Variants in GALNT13 observed in about 807,000 individuals in gnomAD.
GALNT13 encodes UDP-GalNAc:polypeptide N-acetylgalactosaminyltransferase 13.
In GALNT13, 28 loss-of-function variants were observed where a neutral mutation model predicts 64.2. That is an observed-to-expected ratio of 0.44 (90% CI 0.32 to 0.60). GALNT13 has a LOEUF of 0.60. Among genes scored for constraint, GALNT13 ranks in the 20% least tolerant of loss-of-function variants. The pLI is 0.05. For missense variants in GALNT13, 577 were observed against 669.8 expected, an observed-to-expected ratio of 0.86 and a Z score of 1.53; for synonymous variants, 214 against 224.6, an observed-to-expected ratio of 0.95 and a Z score of 0.42.
At chr2:154,378,188 A>G (rs1698090809) in intron 9 of GALNT13, among the ~76,000 whole-genome samples, 1 of 152,076 alleles carries the variant, frequency 6.6e-6, no homozygotes, top group African/African-American at 2.4e-5. Flanking sequence ...AGTACAACCC[A>G]CATTCAAGAG....
At chr2:154,412,557 T>G (rs559126638) in intron 11 of GALNT13, among the ~76,000 whole-genome samples, 19 of 151,962 alleles carry the variant, frequency 1.3e-4, no homozygotes, top group African/African-American at 3.6e-4. Context: ...GGTATTTTTT[T>G]TTTGTTTGTC....
chr2:153,550,175 T>G, the GALNT13 span, among the ~76,000 whole-genome samples: 1 of 152,180 alleles, frequency 6.6e-6, no homozygotes, highest in East Asian at 1.9e-4. Flanking sequence ...TTCTATTATC[T>G]GTGTTATTTC....
intron 4 of GALNT13, among the ~76,000 whole-genome samples, chr2:154,142,949 T>G (rs1456557288): frequency 6.6e-6 from 1 of 152,146 alleles, no homozygotes; most frequent in East Asian, 1.9e-4. Context: ...TTGAGCATTT[T>G]AGATGCTAAG....
At chr2:153,622,022 G>A in the GALNT13 span, among the ~76,000 whole-genome samples, 19 of 152,156 alleles carry the variant, frequency 1.2e-4, no homozygotes, top group African/African-American at 3.9e-4. Context: ...TAAACATAAG[G>A]TATGACTATA....
chr2:153,091,086 C>T, the GALNT13 span, among the ~76,000 whole-genome samples: 1 of 152,100 alleles, frequency 6.6e-6, no homozygotes, highest in Admixed American at 6.6e-5. Context: ...TGCTTCTGTA[C>T]TCATACCTGT....
the GALNT13 span, among the ~76,000 whole-genome samples, chr2:153,257,253 G>T: frequency 6.6e-6 from 1 of 152,136 alleles, no homozygotes; most frequent in Admixed American, 6.5e-5. Flanking sequence ...GACTAGGAAA[G>T]GGAACTCCCT....
chr2:153,824,297 C>T, the GALNT13 span, among the ~76,000 whole-genome samples: 1 of 152,096 alleles, frequency 6.6e-6, no homozygotes, highest in Admixed American at 6.6e-5. Context: ...TTAGTTCAAC[C>T]ACTGTGGAAG....
At chr2:153,082,586 T>C in the GALNT13 span, among the ~76,000 whole-genome samples, 1 of 28,886 alleles carries the variant, frequency 3.5e-5, no homozygotes, top group African/African-American at 1.6e-4. Flanking sequence ...TATATATATA[T>C]ATATATATAT....
At chr2:154,315,028 A>G (rs2105142508) in intron 9 of GALNT13, among the ~76,000 whole-genome samples, 1 of 152,288 alleles carries the variant, frequency 6.6e-6, no homozygotes, top group South Asian at 2.1e-4. Context: ...TGGCTTAAAG[A>G]ATTAAGAAAC....
At chr2:154,037,744 A>G (rs1037915123) in intron 3 of GALNT13, among the ~76,000 whole-genome samples, 11 of 152,312 alleles carry the variant, frequency 7.2e-5, no homozygotes, top group African/African-American at 2.4e-4. Flanking sequence ...TCAAGAAAGT[A>G]ATCTTTTTTA....
At chr2:153,902,739 G>C (rs1226325571) in intron 2 of GALNT13, among the ~76,000 whole-genome samples, 1 of 152,030 alleles carries the variant, frequency 6.6e-6, no homozygotes, top group Non-Finnish European at 1.5e-5. Flanking sequence ...GCTTGTGCAG[G>C]ATTCACTGAG....
chr2:153,236,970 T>C, the GALNT13 span, among the ~76,000 whole-genome samples: 1 of 152,176 alleles, frequency 6.6e-6, no homozygotes, highest in African/African-American at 2.4e-5. Context: ...GAGTCAAATA[T>C]CACCATTAAT....
At chr2:153,562,332 T>C in the GALNT13 span, among the ~76,000 whole-genome samples, 6 of 152,100 alleles carry the variant, frequency 3.9e-5, no homozygotes, top group Non-Finnish European at 8.8e-5. Flanking sequence ...AATTAGCTAG[T>C]AACATTTTCA....
intron 2 of GALNT13, among the ~76,000 whole-genome samples, chr2:153,922,664 A>T (rs1982311): frequency 2.0e-5 from 3 of 151,842 alleles, no homozygotes; most frequent in Non-Finnish European, 4.4e-5. Context: ...TCCTTCCCCC[A>T]ACCCTTACTC....
At chr2:153,974,105 C>T (rs1243891960) in intron 3 of GALNT13, among the ~76,000 whole-genome samples, 1 of 152,032 alleles carries the variant, frequency 6.6e-6, no homozygotes, top group African/African-American at 2.4e-5. Context: ...CCAATCTTTT[C>T]TCCACACTGA....
chr2:154,018,678 G>A (rs1323167998), intron 3 of GALNT13, among the ~76,000 whole-genome samples: 1 of 151,718 alleles, frequency 6.6e-6, no homozygotes, highest in African/African-American at 2.4e-5. Flanking sequence ...GTGAGGGGCT[G>A]AGGGAGATGG....
the GALNT13 span, among the ~76,000 whole-genome samples, chr2:153,132,359 T>A: frequency 6.6e-6 from 1 of 152,146 alleles, no homozygotes; most frequent in Non-Finnish European, 1.5e-5. Context: ...TTAATTCAAG[T>A]TTGAACTTTT....
chr2:153,142,264 G>A, the GALNT13 span, among the ~76,000 whole-genome samples: 2 of 152,034 alleles, frequency 1.3e-5, no homozygotes, highest in Non-Finnish European at 2.9e-5. Flanking sequence ...TAACACTGCT[G>A]GAATTCTGGC....
chr2:153,669,986 G>A, the GALNT13 span, among the ~76,000 whole-genome samples: 206 of 152,210 alleles, frequency 1.4e-3, no homozygotes, highest in African/African-American at 4.9e-3. Context: ...ATCTGCCATT[G>A]CTGAGGCTTG....
Sources: allele counts gnomAD v4.1 joint callset (sites outside exome capture counted in the v4.1 genomes callset), GRCh38; gene constraint gnomAD v4.1.1; transcripts MANE v1.5; gene names NCBI Gene and HGNC (gene_info 2026-07-23, HGNC 2026-07-21).